Variants in ANKFN1 observed in about 807,000 individuals in gnomAD.
ANKFN1 encodes the protein ankyrin repeat and fibronectin type-III domain-containing protein 1.
ANKFN1 carries 74 observed loss-of-function variants against 108.7 expected under a neutral mutation model. That is an observed-to-expected ratio of 0.68 (90% CI 0.56 to 0.83). ANKFN1 has a LOEUF of 0.83. Among genes scored for constraint, ANKFN1 ranks in the 40% least tolerant of loss-of-function variants. ANKFN1 has a pLI of 0.00. For synonymous variants in ANKFN1, 547 were observed against 516.2 expected (o/e 1.06, Z -0.81); for missense variants, 1,505 against 1,382.3 (o/e 1.09, Z -1.41).
Position 56,329,386 on chromosome 17 carries a change from T to C in ANKFN1, c.188+3031T>C, listed in dbSNP as rs565501970. Among the ~76,000 whole-genome samples, 3 of 152,284 alleles carry C rather than the reference T, an allele frequency of 2.0e-5. No homozygotes were observed. The East Asian group carries it at 5.8e-4, about 29-fold the overall frequency. On this transcript the variant is annotated intron_variant, in intron 4 of 20. Transcript: ENST00000682825. ...CCTAGAATGCCCCTTTTCCCCTTCCTGCTAGTTAATTCCTCATTCATCATT... is the reference window on the plus strand; with the variant it reads ...CCTAGAATGCCCCTTTTCCCCTTCCCGCTAGTTAATTCCTCATTCATCATT...
At chr17:56,114,969 G>A (rs1906176126) in intron 4 of ANKFN1, among the ~76,000 whole-genome samples, 1 of 152,214 alleles carries the variant, frequency 6.6e-6, no homozygotes, top group African/African-American at 2.4e-5. Flanking sequence ...GAAAAGGCAA[G>A]CAAGCAGATT....
intron 4 of ANKFN1, among the ~76,000 whole-genome samples, chr17:56,135,150 A>T (rs1454526801): frequency 6.6e-6 from 1 of 152,190 alleles, no homozygotes; most frequent in East Asian, 1.9e-4. Flanking sequence ...AAATAAAATA[A>T]ATCAAAGAAT....
intron 14 of ANKFN1, among the ~76,000 whole-genome samples, chr17:56,459,277 AT>A (rs2049823688): frequency 6.6e-6 from 1 of 151,960 alleles, no homozygotes; most frequent in Non-Finnish European, 1.5e-5. Flanking sequence ...CACCCGGCTA[AT>A]TTTTGTATTT....
chr17:56,418,210 G>A (rs1255905738), intron 8 of ANKFN1, among the ~76,000 whole-genome samples: 1 of 152,100 alleles, frequency 6.6e-6, no homozygotes, highest in African/African-American at 2.4e-5. Context: ...TGACACTGTG[G>A]TGATAAATTC....
In ANKFN1 at chr17:56,181,721, T is replaced by C. The variant is rs1328058409; in HGVS notation, c.-71+28191T>C. Among the ~76,000 whole-genome samples the C allele has an allele frequency of 5.3e-5, 8 of 152,330 alleles. No individual in the cohort carries two copies. The South Asian group carries it at 6.2e-4, about 12-fold the overall frequency. On this transcript the variant is annotated intron_variant, in intron 1 of 20. Coordinates refer to ENST00000682825, the MANE Select transcript of ANKFN1 (RefSeq NM_001370326.1). The stretch of plus-strand genomic sequence containing the variant: ...AATGCATATACACACATATGTCATA[T>C]ATGTACGTATATATGTTTTTATATG...
chr17:56,514,646 A>G lies in ANKFN1; in HGVS notation c.*3377A>G, dbSNP rs1008818848. Among the ~76,000 whole-genome samples the G allele has an allele frequency of 6.6e-6, 1 of 152,204 alleles. No individual in the cohort carries two copies. Among genetic ancestry groups the G allele is most frequent in the African/African-American group, 2.4e-5 (1 of 41,450 alleles). ...AGATGAGAGCCATTCCCTTTAAAGA[A>G]CATTCACTAATGCTCGAAGCAATAA... is the stretch of plus-strand genomic sequence containing the variant. On this transcript the variant is annotated 3_prime_UTR_variant, in exon 21 of 21. Transcript: ENST00000682825.
intron 15 of ANKFN1, among the ~76,000 whole-genome samples, chr17:56,467,755 G>C (rs866655622): frequency 3.9e-4 from 11 of 28,026 alleles, no homozygotes; most frequent in East Asian, 3.1e-3. Flanking sequence ...AAGAAAGAAA[G>C]AAAGAAAGAA....
chr17:56,457,505 G>C (rs1256088199), intron 13 of ANKFN1, 116 bp downstream of exon 13: 3 of 1,192,426 alleles, frequency 2.5e-6, no homozygotes, highest in Non-Finnish European at 3.5e-6. Context: ...TAGAAATAAA[G>C]TATCTCCAAG....
intron 3 of ANKFN1, among the ~76,000 whole-genome samples, chr17:56,324,332 T>C (rs1292473265): frequency 1.3e-5 from 2 of 152,062 alleles, no homozygotes; most frequent in Non-Finnish European, 2.9e-5. Flanking sequence ...TATTGAAGAG[T>C]AGACTAATGA....
Position 56,202,584 on chromosome 17 carries a change from C to A in ANKFN1, c.-70-10014C>A, listed in dbSNP as rs72831994. Among the ~76,000 whole-genome samples the A allele has an allele frequency of 4.3e-4, 65 of 152,290 alleles. No individual in the cohort carries two copies. In the Middle Eastern group the frequency reaches 0.014, roughly 32 times the overall value. ...CATGCTCTTCCTGTTCCATTTCCCCCCTCCACACCCTTTTCACCATTCACC... is the reference window on the plus strand; with the variant it reads ...CATGCTCTTCCTGTTCCATTTCCCCACTCCACACCCTTTTCACCATTCACC... On this transcript the variant is annotated intron_variant, in intron 1 of 20. Coordinates refer to ENST00000682825, the MANE Select transcript of ANKFN1 (RefSeq NM_001370326.1).
chr17:56,472,049 T>C (rs1286420708), intron 15 of ANKFN1: 1 of 152,186 alleles, frequency 6.6e-6, no homozygotes, highest in Non-Finnish European at 1.5e-5. Flanking sequence ...ATATGAGTTA[T>C]AACTCAATTA....
chr17:56,211,434 G>A (rs962708262), intron 1 of ANKFN1, among the ~76,000 whole-genome samples: 3 of 151,968 alleles, frequency 2.0e-5, no homozygotes, highest in South Asian at 2.1e-4. Context: ...TTTATTTCTG[G>A]CTTCTCAATT....
intron 6 of ANKFN1, among the ~76,000 whole-genome samples, chr17:56,366,830 T>C (rs1453069784): frequency 1.3e-5 from 2 of 152,198 alleles, no homozygotes; most frequent in African/African-American, 4.8e-5. Context: ...AAGGATGCAT[T>C]TCTCAGAACA....
At chr17:56,168,930 C>G (rs1051159352) in intron 1 of ANKFN1, among the ~76,000 whole-genome samples, 1 of 152,178 alleles carries the variant, frequency 6.6e-6, no homozygotes, top group Non-Finnish European at 1.5e-5. Context: ...GACTAGAGAT[C>G]ACTGCCTTTG....
In ANKFN1 at chr17:56,511,582, G is replaced by C; in HGVS notation, c.*313G>C. 1 of 284,752 alleles carries C rather than the reference G, an allele frequency of 3.5e-6. No individual in the cohort carries two copies. The highest frequency in any genetic ancestry group is 6.6e-6 in the Non-Finnish European group (1 of 152,626). 17.6% of individuals were successfully genotyped at this position (284,752 alleles called of 1,614,324 possible). On this transcript the variant is annotated 3_prime_UTR_variant, in exon 21 of 21. Coordinates refer to ENST00000682825, the MANE Select transcript of ANKFN1 (RefSeq NM_001370326.1). ...TGACTGAAGCTGGCCATCCCAAAGA[G>C]AGACCCTCTGTTCTGCAGCTGGTTC...
At chr17:56,121,099 C>G (rs538843580) in intron 4 of ANKFN1, among the ~76,000 whole-genome samples, 1 of 152,086 alleles carries the variant, frequency 6.6e-6, no homozygotes, top group Admixed American at 6.6e-5. Context: ...ATCCCTGTGA[C>G]TCCATATATT....
intron 8 of ANKFN1, among the ~76,000 whole-genome samples, chr17:56,376,908 T>C (rs910085725): frequency 6.6e-6 from 1 of 152,218 alleles, no homozygotes; most frequent in African/African-American, 2.4e-5. Flanking sequence ...GGCAGCCTAC[T>C]GTATCCGCAG....
intron 3 of ANKFN1, among the ~76,000 whole-genome samples, chr17:56,307,367 C>T (rs2144409501): frequency 6.6e-6 from 1 of 152,090 alleles, no homozygotes; most frequent in Non-Finnish European, 1.5e-5. Flanking sequence ...CAATGAACTC[C>T]AACACATTTA....
chr17:56,315,499 T>C (rs751110613), intron 3 of ANKFN1, among the ~76,000 whole-genome samples: 1 of 152,208 alleles, frequency 6.6e-6, no homozygotes, highest in Non-Finnish European at 1.5e-5. Flanking sequence ...CCTGTTGCTG[T>C]CCTTTTAATC....
Sources: allele counts gnomAD v4.1 joint callset (sites outside exome capture counted in the v4.1 genomes callset), GRCh38; gene constraint gnomAD v4.1.1; transcripts MANE v1.5; gene names NCBI Gene and HGNC (gene_info 2026-07-23, HGNC 2026-07-21).